Variants in GLRA2 observed in about 807,000 individuals in gnomAD.
GLRA2 encodes the protein glycine receptor subunit alpha-2.
A neutral mutation model predicts 31.6 loss-of-function variants in GLRA2; 11 were observed. The ratio of observed to expected loss-of-function variants is 0.35; its 90% CI spans 0.22 to 0.58. The LOEUF (loss-of-function observed/expected upper bound fraction) is 0.58. Among genes scored for constraint, GLRA2 ranks in the 20% least tolerant of loss-of-function variants. The probability of loss-of-function intolerance (pLI) is 0.84; values close to 1 mark genes in which losing one functional copy is unlikely to be tolerated. For missense variants in GLRA2, 212 were observed against 351.8 expected (o/e 0.60, Z 3.18); for synonymous variants, 132 against 134.0 (o/e 0.99, Z 0.10).
chrX:14,694,265 A>G (rs1190226496), intron 8 of GLRA2, among the ~76,000 whole-genome samples: 3 of 111,551 alleles, frequency 2.7e-5, no homozygotes, highest in Non-Finnish European at 3.8e-5. Flanking sequence ...AGAGGGTAAA[A>G]CAAATTTCTG....
Position 14,607,277 on chromosome X carries a change from C to A in GLRA2, c.715+9C>A. The A allele has an allele frequency of 1.0e-6, 1 of 981,249 alleles. No homozygotes were observed. The highest frequency in any genetic ancestry group is 1.4e-6 in the Non-Finnish European group (1 of 734,345). 80.9% of individuals were successfully genotyped at this position (981,249 alleles called of 1,213,427 possible). ...AAAGCACTACAACACTGGTAAGTTT[C>A]TTTTTTTTTTTTTTTCAGCTGTTAA... On this transcript the variant is annotated intron_variant, in intron 6 of 8. Coordinates refer to ENST00000218075, the MANE Select transcript of GLRA2 (RefSeq NM_002063.4).
At chrX:14,514,411 G>GT in the GLRA2 span, among the ~76,000 whole-genome samples, 26 of 110,181 alleles carry the variant, frequency 2.4e-4, no homozygotes, top group Non-Finnish European at 2.3e-4. Flanking sequence ...TAAAAAATAA[G>GT]TTTTTTTAAA....
At chrX:14,592,990 A>G (rs772511143) in intron 4 of GLRA2, among the ~76,000 whole-genome samples, 2 of 112,006 alleles carry the variant, frequency 1.8e-5, no homozygotes, top group Non-Finnish European at 3.8e-5. Flanking sequence ...CATGGCAGAA[A>G]GCCAAAGGAA....
At chrX:14,477,948 C>T in the GLRA2 span, among the ~76,000 whole-genome samples, 2 of 110,733 alleles carry the variant, frequency 1.8e-5, no homozygotes, top group South Asian at 7.8e-4. Context: ...AAAAGAGGAA[C>T]TTCCTTGAAA....
At chrX:14,717,030 C>T (rs2091797107) in intron 8 of GLRA2, among the ~76,000 whole-genome samples, 1 of 110,771 alleles carries the variant, frequency 9.0e-6, no homozygotes, top group Non-Finnish European at 1.9e-5. Flanking sequence ...ATGCCCCCTT[C>T]AAAAAAAGCA....
chrX:14,631,203 T>C (rs1460720130), intron 7 of GLRA2, among the ~76,000 whole-genome samples: 2 of 111,962 alleles, frequency 1.8e-5, no homozygotes, highest in African/African-American at 3.2e-5. Flanking sequence ...CAATTCAGTA[T>C]ATTTTCCATC....
In GLRA2 at chrX:14,529,916, G is replaced by T; in HGVS notation, c.-142G>T. 1 of 531,492 alleles carries T rather than the reference G, an allele frequency of 1.9e-6. No homozygotes were observed. 43.8% of individuals were successfully genotyped at this position (531,492 alleles called of 1,213,427 possible). On this transcript the variant is annotated 5_prime_UTR_variant, in exon 1 of 9. Transcript: ENST00000218075. ...ACTTTTTCTTTTTTCTCAGCAAACT[G>T]TACAAAACCAAATCTCTTTTTGATT...
chrX:14,521,038 A>G, the GLRA2 span, among the ~76,000 whole-genome samples: 1 of 112,846 alleles, frequency 8.9e-6, no homozygotes, highest in Non-Finnish European at 1.9e-5. Flanking sequence ...ATATGGGCCA[A>G]TCACTGGCCA....
chrX:14,567,842 CAAGA>C, intron 2 of GLRA2, among the ~76,000 whole-genome samples: 1 of 111,635 alleles, frequency 9.0e-6, no homozygotes. Context: ...AACAATTTGA[CAAGA>C]AAGTTAGAAA....
chrX:14,616,173 C>T (rs2090452069), intron 7 of GLRA2, among the ~76,000 whole-genome samples: 1 of 111,743 alleles, frequency 8.9e-6, no homozygotes, highest in Non-Finnish European at 1.9e-5. Context: ...TTGCACATGG[C>T]AAAATAAGAT....
intron 4 of GLRA2, among the ~76,000 whole-genome samples, chrX:14,583,601 T>C (rs1035762054): frequency 2.7e-5 from 3 of 111,596 alleles, no homozygotes; most frequent in South Asian, 3.8e-4. Flanking sequence ...TAGCCGGGCA[T>C]GGTGGTACGT....
intron 8 of GLRA2, among the ~76,000 whole-genome samples, chrX:14,704,250 T>A (rs1285822010): frequency 8.9e-6 from 1 of 112,710 alleles, no homozygotes; most frequent in Non-Finnish European, 1.9e-5. Context: ...TTTATGTCCC[T>A]GAAATCAAGC....
At chrX:14,537,251 C>G (rs2089338227) in intron 2 of GLRA2, among the ~76,000 whole-genome samples, 1 of 111,349 alleles carries the variant, frequency 9.0e-6, no homozygotes, top group South Asian at 3.8e-4. Flanking sequence ...TAGAATGTCC[C>G]TAAAAGATAC....
the GLRA2 span, among the ~76,000 whole-genome samples, chrX:14,449,738 C>T: frequency 2.4e-4 from 27 of 112,362 alleles, no homozygotes; most frequent in Non-Finnish European, 1.5e-4. Flanking sequence ...TCAGCACAGC[C>T]AGTGTTTGAC....
the GLRA2 span, among the ~76,000 whole-genome samples, chrX:14,485,192 AT>A: frequency 2.7e-5 from 3 of 112,161 alleles, no homozygotes; most frequent in African/African-American, 9.7e-5. Flanking sequence ...ACTCAGAATC[AT>A]CACTTGAGTG....
At chrX:14,616,362 T>G (rs956484997) in intron 7 of GLRA2, among the ~76,000 whole-genome samples, 9 of 111,301 alleles carry the variant, frequency 8.1e-5, no homozygotes, top group Non-Finnish European at 1.3e-4. Context: ...GGTCCAGAAC[T>G]GTCTCTTTGA....
chrX:14,686,783 TG>T (rs2147176877), intron 7 of GLRA2, among the ~76,000 whole-genome samples: 1 of 112,041 alleles, frequency 8.9e-6, no homozygotes, highest in Non-Finnish European at 1.9e-5. Context: ...TGCCAGTCTT[TG>T]TCTTTTAATT....
intron 4 of GLRA2, among the ~76,000 whole-genome samples, chrX:14,601,099 C>CA (rs1459332287): frequency 9.2e-6 from 1 of 108,325 alleles, no homozygotes; most frequent in Non-Finnish European, 1.9e-5. Flanking sequence ...ATTGTGTTTT[C>CA]AAAAAAACAA....
intron 8 of GLRA2, among the ~76,000 whole-genome samples, chrX:14,704,718 A>G (rs944422875): frequency 8.9e-6 from 1 of 112,005 alleles, no homozygotes; most frequent in African/African-American, 3.2e-5. Flanking sequence ...CTGCCTTCTT[A>G]GTTTTCATTC....
Sources: allele counts gnomAD v4.1 joint callset (sites outside exome capture counted in the v4.1 genomes callset), GRCh38; gene constraint gnomAD v4.1.1; transcripts MANE v1.5; gene names NCBI Gene and HGNC (gene_info 2026-07-23, HGNC 2026-07-21).